The following BANK1 variants were observed in gnomAD, a reference collection of about 807,000 sequenced individuals.
The protein encoded by BANK1 is B-cell scaffold protein with ankyrin repeats.
Under a neutral mutation model 94.5 loss-of-function variants are expected in BANK1, and 95 were observed. The ratio of observed to expected loss-of-function variants is 1.00; its 90% confidence interval spans 0.85 to 1.19. The LOEUF (loss-of-function observed/expected upper bound fraction) is 1.19, where lower values mean the gene tolerates loss of function less well. BANK1 is among the 50% of genes most tolerant of loss of function. The pLI is 0.00. For missense variants in BANK1, 987 were observed against 932.2 expected (o/e 1.06, Z -0.77); for synonymous variants, 334 against 308.4 (o/e 1.08, Z -0.87).
chr4:101,858,054 A>T (rs1727743877), intron 3 of BANK1, among the ~76,000 whole-genome samples: 2 of 152,134 alleles, frequency 1.3e-5, no homozygotes, highest in Admixed American at 1.3e-4. Context: ...GAAAAATCCA[A>T]CTGTGAGGTA....
intron 7 of BANK1, among the ~76,000 whole-genome samples, chr4:101,935,064 TAGA>T: frequency 6.6e-6 from 1 of 151,658 alleles, no homozygotes; most frequent in South Asian, 2.1e-4. Flanking sequence ...TATCACTTTC[TAGA>T]ATACCTCATG....
chr4:101,878,122 T>G (rs1728556574), intron 5 of BANK1, among the ~76,000 whole-genome samples: 1 of 151,900 alleles, frequency 6.6e-6, no homozygotes, highest in Non-Finnish European at 1.5e-5. Context: ...AAACCTTAAA[T>G]GTAAATGGAC....
At chr4:101,847,770 C>T (rs1727309398) in intron 2 of BANK1, among the ~76,000 whole-genome samples, 1 of 148,334 alleles carries the variant, frequency 6.7e-6, no homozygotes, top group Non-Finnish European at 1.5e-5. Flanking sequence ...CACACACACA[C>T]ACACATATGT....
chr4:102,068,652 C>A (rs979269975), intron 13 of BANK1, among the ~76,000 whole-genome samples: 1 of 151,950 alleles, frequency 6.6e-6, no homozygotes, highest in Non-Finnish European at 1.5e-5. Context: ...CATGGTGAAA[C>A]CCTGTCTCTT....
chr4:101,794,683 C>T (rs1216112370), intron 1 of BANK1, among the ~76,000 whole-genome samples: 1 of 151,898 alleles, frequency 6.6e-6, no homozygotes, highest in Non-Finnish European at 1.5e-5. Flanking sequence ...GGAATTATAC[C>T]CCTGCAGTAA....
chr4:101,929,527 C>A (rs888699070), intron 7 of BANK1, among the ~76,000 whole-genome samples: 1 of 151,518 alleles, frequency 6.6e-6, no homozygotes, highest in African/African-American at 2.4e-5. Flanking sequence ...CTGTATATGG[C>A]TTTCAAAACG....
intron 1 of BANK1, among the ~76,000 whole-genome samples, chr4:101,802,242 G>C (rs931875350): frequency 1.3e-5 from 2 of 152,094 alleles, no homozygotes; most frequent in Non-Finnish European, 2.9e-5. Context: ...TGTGATGAAG[G>C]CATTTCTAAC....
intron 6 of BANK1, among the ~76,000 whole-genome samples, chr4:101,905,286 C>T (rs1722411895): frequency 6.6e-6 from 1 of 152,182 alleles, no homozygotes; most frequent in East Asian, 1.9e-4. Context: ...CGGGGGTTCC[C>T]CAGGCAGAAG....
At chr4:101,851,109 G>A (rs1477817518) in intron 2 of BANK1, among the ~76,000 whole-genome samples, 1 of 152,164 alleles carries the variant, frequency 6.6e-6, no homozygotes, top group African/African-American at 2.4e-5. Context: ...AGAAAGCTAG[G>A]ATTCTTTCTT....
At position 101,992,435 on chromosome 4, in the gene BANK1, C is replaced by T. The variant is rs1469021590; in HGVS notation, c.1207-29079C>T. Among the ~76,000 whole-genome samples, 3 of 152,158 alleles carry T rather than the reference C, an allele frequency of 2.0e-5. No homozygotes were observed. In the South Asian group the frequency reaches 6.2e-4, roughly 32 times the overall value. Reference sequence around the variant, plus strand: ...TATTTTTTTGTTCAGACAAAAATATCTTGGATTATGTACTTTTAAATTCAA... The same window carrying T: ...TATTTTTTTGTTCAGACAAAAATATTTTGGATTATGTACTTTTAAATTCAA... On this transcript the variant is annotated intron_variant, in intron 7 of 16. Transcript: ENST00000322953.
chr4:102,029,941 G>A lies in BANK1; in HGVS notation c.1595-19G>A. 2 of 1,579,696 alleles carry A rather than the reference G, an allele frequency of 1.3e-6. No homozygotes were observed. Among genetic ancestry groups the A allele is most frequent in the African/African-American group, 1.4e-5 (1 of 73,090 alleles). ...CATGTAACAGAAGAGTAAACACCAT[G>A]TAAATATTTCATAAACAGGGACAAT... On this transcript the variant is annotated intron_variant, in intron 9 of 16. Coordinates refer to ENST00000322953, the MANE Select transcript of BANK1 (RefSeq NM_017935.5).
rs148413058 is a variant in BANK1 at position 101,914,337 on chromosome 4, C to T, written c.1010-3656C>T. 4.6e-3 allele frequency among the ~76,000 whole-genome samples: 703 copies of T among 152,122 alleles called. 2 individuals are homozygous for T. The highest frequency in any genetic ancestry group is 0.013 in the African/African-American group (532 of 41,520). Reference sequence around the variant, plus strand: ...CTCCACAGCTTTTCTGGCCTCACCCCGAGGAGCAGTACACAGGGGCCATAG... The same window carrying T: ...CTCCACAGCTTTTCTGGCCTCACCCTGAGGAGCAGTACACAGGGGCCATAG... On this transcript the variant is annotated intron_variant, in intron 6 of 16. Transcript: ENST00000322953.
chr4:101,796,494 G>A (rs1236192726), intron 1 of BANK1, among the ~76,000 whole-genome samples: 1 of 152,054 alleles, frequency 6.6e-6, no homozygotes. Flanking sequence ...CATGCACTAG[G>A]AATAGAGTAT....
chr4:101,797,732 A>G (rs1725207669), intron 1 of BANK1, among the ~76,000 whole-genome samples: 1 of 152,196 alleles, frequency 6.6e-6, no homozygotes, highest in Non-Finnish European at 1.5e-5. Context: ...GGAGGGCATG[A>G]GAGAATGTCA....
chr4:102,026,961 G>A (rs1210081959), intron 9 of BANK1, among the ~76,000 whole-genome samples: 1 of 152,010 alleles, frequency 6.6e-6, no homozygotes, highest in Non-Finnish European at 1.5e-5. Flanking sequence ...TGAAAGCTCT[G>A]AAGCCTAGTG....
At position 102,043,843 on chromosome 4, in the gene BANK1, T is replaced by C; in HGVS notation, c.1905T>C (p.Phe635=). The C allele has an allele frequency of 6.3e-7, 1 of 1,599,974 alleles. No individual in the cohort carries two copies. The highest frequency in any genetic ancestry group is 1.1e-5 in the South Asian group (1 of 90,118). The change falls in exon 11 of 17, where the codon TTT becomes TTC. Residue 635 remains phenylalanine (F), a synonymous_variant. Transcript: ENST00000322953. ...EETTPYIAQV[F]QQKTARRQSD... ...TATGTTCTATACTTTTTACAGTGTT[T>C]CAACAAAAGACAGCCAGAAGACAAT...
rs76638296 is a variant in BANK1, at chr4:101,967,141, G to T, written c.1206+48952G>T. Among the ~76,000 whole-genome samples the T allele has an allele frequency of 5.6e-3, 848 of 152,108 alleles. 15 individuals carry two copies. In the East Asian group the frequency reaches 0.057, roughly 10 times the overall value. ...GGAACTGAAATGTTGCCATCAAAGG[G>T]GTCGCAGTTAAATGGGAGTCATGTT... On this transcript the variant is annotated intron_variant, in intron 7 of 16. Coordinates refer to ENST00000322953, the MANE Select transcript of BANK1 (RefSeq NM_017935.5).
At chr4:102,014,448 A>C (rs559558159) in intron 7 of BANK1, among the ~76,000 whole-genome samples, 2 of 152,234 alleles carry the variant, frequency 1.3e-5, no homozygotes, top group East Asian at 3.9e-4. Context: ...TAGCTATTGG[A>C]ACCAGATTCA....
At chr4:101,935,893 CACCATAT>C (rs1723513202) in intron 7 of BANK1, among the ~76,000 whole-genome samples, 1 of 151,478 alleles carries the variant, frequency 6.6e-6, no homozygotes, top group Non-Finnish European at 1.5e-5. Context: ...CCCTGTCTCT[CACCATAT>C]ACAAAAATCA....
Sources: allele counts gnomAD v4.1 joint callset (sites outside exome capture counted in the v4.1 genomes callset), GRCh38; gene constraint gnomAD v4.1.1; transcripts MANE v1.5; gene names NCBI Gene and HGNC (gene_info 2026-07-23, HGNC 2026-07-21).